Variants in MTMR3 observed in about 807,000 individuals in gnomAD.
MTMR3 encodes the protein phosphatidylinositol-3,5-bisphosphate 3-phosphatase MTMR3.
In MTMR3, 32 loss-of-function variants were observed where a neutral mutation model predicts 132.4. The ratio of observed to expected loss-of-function variants is 0.24; its 90% CI spans 0.18 to 0.32. The LOEUF is 0.32. Ranked by LOEUF, MTMR3 falls within the 10% of genes least tolerant of loss-of-function variation. MTMR3 has a pLI of 1.00. For missense variants in MTMR3, 1,216 were observed against 1,489.6 expected (o/e 0.82, Z 3.02); for synonymous variants, 556 against 550.3 (o/e 1.01, Z -0.14).
At chr22:29,987,912 TAG>T (rs2066889634) in intron 5 of MTMR3, 1 of 152,346 alleles carries the variant, frequency 6.6e-6, no homozygotes, top group African/African-American at 2.4e-5. Context: ...TTCTACTTAG[TAG>T]AGAGCCTGGC....
intron 2 of MTMR3, among the ~76,000 whole-genome samples, chr22:29,970,356 CAG>C (rs1048266982): frequency 2.2e-4 from 34 of 152,216 alleles, no homozygotes; most frequent in African/African-American, 8.2e-4. Context: ...TTTTTTGAGA[CAG>C]AGTCTTGCTC....
chr22:30,020,065 A>G lies in MTMR3; in HGVS notation c.2406A>G (p.Ala802=), dbSNP rs1211232390. The G allele has an allele frequency of 1.2e-6, 2 of 1,614,074 alleles. No homozygotes were observed. Among genetic ancestry groups the G allele is most frequent in the African/African-American group, 1.3e-5 (1 of 74,938 alleles). ...AGCAGTTTCGAATAGAAGAGATTGC[A>G]GAGGGTAGGGAGGAAGCAGTTCTTC... ...PVEQFRIEEI[A]EGREEAVLPI... is the part of the protein sequence containing the mutation. Residue 802 remains alanine, a synonymous_variant, in exon 17 of 20, where the codon GCA becomes GCG. Coordinates refer to ENST00000401950, the MANE Select transcript of MTMR3 (RefSeq NM_021090.4).
rs558492062 is a variant in MTMR3 at position 29,906,970 on chromosome 22, C to T, written c.-138+23611C>T. 4.0e-5 allele frequency among the ~76,000 whole-genome samples: 6 copies of T among 151,898 alleles called. No individual in the cohort carries two copies. The East Asian group carries it at 9.8e-4, about 25-fold the overall frequency. Reference sequence around the variant, plus strand: ...GCGTGCATCTGTAATCCCAGCTACTCGGGAGGCCGAGGCAGGAGAATTGCT... The same window carrying T: ...GCGTGCATCTGTAATCCCAGCTACTTGGGAGGCCGAGGCAGGAGAATTGCT... On this transcript the variant is annotated intron_variant, in intron 1 of 19. Coordinates refer to ENST00000401950, the MANE Select transcript of MTMR3 (RefSeq NM_021090.4).
At position 29,883,365 on chromosome 22, in the gene MTMR3, AACC is replaced by A. The variant is rs2064591355; in HGVS notation, c.-138+7_-138+9del. ...TCGCCATGTCCTGCTGCCCGGTAAG[AACC>A]CCATCCCCGTCCTCCGTCTCCTCGG... On this transcript the variant is annotated splice_region_variant and intron_variant, in intron 1 of 19. Transcript: ENST00000401950. 1 of 157,968 alleles carries A rather than the reference AACC, an allele frequency of 6.3e-6. No homozygotes were observed. Among genetic ancestry groups the A allele is most frequent in the Non-Finnish European group, 1.4e-5 (1 of 71,488 alleles). 9.8% of individuals were successfully genotyped at this position (157,968 alleles called of 1,614,324 possible).
At chr22:29,955,024 T>A (rs538624427) in intron 1 of MTMR3, among the ~76,000 whole-genome samples, 3 of 152,204 alleles carry the variant, frequency 2.0e-5, no homozygotes, top group Admixed American at 6.5e-5. Context: ...GGGTCTTACT[T>A]TGTTGGCCAG....
chr22:29,958,905 T>A (rs771882117), intron 2 of MTMR3, among the ~76,000 whole-genome samples: 12 of 152,140 alleles, frequency 7.9e-5, no homozygotes, highest in Non-Finnish European at 1.6e-4. Context: ...GAGAATAGAT[T>A]GGTTTTAGTA....
At chr22:29,934,010 C>A (rs1266471398) in intron 1 of MTMR3, among the ~76,000 whole-genome samples, 2 of 152,112 alleles carry the variant, frequency 1.3e-5, no homozygotes, top group Non-Finnish European at 2.9e-5. Context: ...TGGATAAAAA[C>A]ATGTTTATAT....
chr22:29,892,152 C>CA lies in MTMR3; in HGVS notation c.-138+8806dup, dbSNP rs375103872. On this transcript the variant is annotated intron_variant, in intron 1 of 19. Coordinates refer to ENST00000401950, the MANE Select transcript of MTMR3 (RefSeq NM_021090.4). The stretch of plus-strand genomic sequence containing the variant: ...TGGGTGACAGAGCGAGACTCCATCT[C>CA]AAAAAAAAAAAAATGTCCCATGCTC... Among the ~76,000 whole-genome samples, 623 of 130,516 alleles carry CA rather than the reference C, an allele frequency of 4.8e-3. 7 individuals carry two copies. The highest frequency in any genetic ancestry group is 0.016 in the African/African-American group (546 of 34,784). The allele number at this position is 130,516 out of a possible 152,430, so 85.6% of individuals were successfully genotyped here. A position where few individuals can be genotyped will look rare whatever the true frequency, so the allele number is the denominator to read the frequency against.
intron 1 of MTMR3, among the ~76,000 whole-genome samples, chr22:29,895,770 C>T (rs193191407): frequency 9.9e-4 from 150 of 152,122 alleles, no homozygotes; most frequent in African/African-American, 3.2e-3. Flanking sequence ...AGGAGCAGAC[C>T]GCCAAACAGT....
At chr22:30,018,159 G>C in intron 16 of MTMR3, 87 bp downstream of exon 16, 1 of 1,351,754 alleles carries the variant, frequency 7.4e-7, no homozygotes, top group Non-Finnish European at 9.8e-7. Flanking sequence ...CAGAGATCAT[G>C]ATGGTATCTG....
chr22:29,918,349 C>T (rs934787728), intron 1 of MTMR3, among the ~76,000 whole-genome samples: 2 of 152,134 alleles, frequency 1.3e-5, no homozygotes, highest in Admixed American at 1.3e-4. Context: ...CTAAAGTGGC[C>T]ATCTGATTTA....
chr22:29,925,610 C>T (rs1203299572), intron 1 of MTMR3, among the ~76,000 whole-genome samples: 5 of 150,944 alleles, frequency 3.3e-5, no homozygotes. Flanking sequence ...CCATAAAACT[C>T]AGTCTTTTAA....
At chr22:30,014,478 T>C (rs547292534) in intron 14 of MTMR3, 2 of 151,504 alleles carry the variant, frequency 1.3e-5, no homozygotes, top group Non-Finnish European at 2.9e-5. Flanking sequence ...CCTCCTTTGC[T>C]GATTCCCCTT....
intron 1 of MTMR3, among the ~76,000 whole-genome samples, chr22:29,889,149 C>G (rs2064740498): frequency 6.6e-6 from 1 of 151,872 alleles, no homozygotes; most frequent in South Asian, 2.1e-4. Context: ...TAGACTGATT[C>G]CACAAATGAC....
intron 2 of MTMR3, among the ~76,000 whole-genome samples, chr22:29,967,193 TTGTGTGTGTGTGTGTGTGTGTG>T (rs10680622): frequency 1.4e-5 from 2 of 141,958 alleles, no homozygotes; most frequent in Admixed American, 6.9e-5. Context: ...TTCACCTCTG[TTGTGTGTGTGTGTGTGTGTGTG>T]TGTGTGTGTG....
intron 8 of MTMR3, chr22:30,000,305 C>T (rs934146030): frequency 1.3e-5 from 2 of 151,718 alleles, no homozygotes; most frequent in Non-Finnish European, 2.9e-5. Context: ...ACTAAAAATA[C>T]AAAAAATTAC....
chr22:30,003,242 C>G (rs985055578), intron 9 of MTMR3: 6 of 361,956 alleles, frequency 1.7e-5, no homozygotes, highest in Non-Finnish European at 2.5e-5. Flanking sequence ...GCTGGACTTG[C>G]TATTTCAATA....
chr22:29,933,777 C>CTTTTTTTT, intron 1 of MTMR3, among the ~76,000 whole-genome samples: 1 of 147,090 alleles, frequency 6.8e-6, no homozygotes, highest in African/African-American at 2.5e-5. Context: ...CACTGTGTTG[C>CTTTTTTTT]CCAGTCTAGA....
At chr22:29,988,587 T>TG (rs2066901452) in intron 6 of MTMR3, 25 bp downstream of exon 6, 1 of 1,533,852 alleles carries the variant, frequency 6.5e-7, no homozygotes, top group East Asian at 2.3e-5. Flanking sequence ...ATGTTTGTGT[T>TG]GCTGTTTAGT....
Sources: gnomAD v4.1 joint callset for allele counts (sites outside exome capture counted in the v4.1 genomes callset) on GRCh38, gnomAD v4.1.1 for gene constraint, MANE v1.5 for transcripts, NCBI Gene and HGNC (gene_info 2026-07-23, HGNC 2026-07-21) for gene names.